The following IGDCC4 variants were observed in gnomAD, a reference collection of about 807,000 sequenced individuals.
IGDCC4 encodes the protein immunoglobulin superfamily DCC subclass member 4.
IGDCC4 carries 72 observed loss-of-function variants against 116.6 expected under a neutral mutation model. That is an observed-to-expected ratio of 0.62 (90% CI 0.51 to 0.75). The LOEUF (loss-of-function observed/expected upper bound fraction) is 0.75. IGDCC4 is among the 30% of genes least tolerant of loss of function. IGDCC4 has a pLI of 0.00. For missense variants in IGDCC4, 1,501 were observed against 1,662.4 expected, an observed-to-expected ratio of 0.90 and a Z score of 1.69; for synonymous variants, 709 against 719.9, an observed-to-expected ratio of 0.98 and a Z score of 0.24.
At chr15:65,422,166 T>C (rs556527193) in intron 1 of IGDCC4, among the ~76,000 whole-genome samples, 1 of 152,096 alleles carries the variant, frequency 6.6e-6, no homozygotes, top group Admixed American at 6.5e-5. Context: ...TACCCCTCTC[T>C]AACCGGCCCC....
At position 65,422,797 on chromosome 15, in the gene IGDCC4, C is replaced by T. The variant is rs776322089; in HGVS notation, c.66G>A (p.Ala22=). 9.8e-6 allele frequency: 13 copies of T among 1,320,792 alleles called. No homozygotes were observed. The African/African-American group carries it at 1.7e-4, about 17-fold the overall frequency. 81.8% of individuals were successfully genotyped at this position (1,320,792 alleles called of 1,614,324 possible). Residue 22 remains alanine (A), a synonymous_variant, in exon 1 of 20, where the codon GCG becomes GCA. Coordinates refer to ENST00000352385, the MANE Select transcript of IGDCC4 (RefSeq NM_020962.3). ...LLALTFCLLA[A]RGELLLPQET... The stretch of plus-strand genomic sequence containing the variant: ...TCTCCGGGCGCCCGCCCTTACCGCG[C>T]GCGGCCAACAGGCAGAAGGTCAACG...
chr15:65,414,640 T>G (rs2063126512), intron 1 of IGDCC4, among the ~76,000 whole-genome samples: 1 of 152,132 alleles, frequency 6.6e-6, no homozygotes, highest in Non-Finnish European at 1.5e-5. Flanking sequence ...AATGGGAGCT[T>G]ATTCTTTGTT....
rs2091462047 is a variant in IGDCC4 at position 65,386,576 on chromosome 15, C to T, written c.2926G>A (p.Ala976Thr). The T allele has an allele frequency of 8.1e-6, 13 of 1,609,670 alleles. No individual in the cohort carries two copies. Among genetic ancestry groups the T allele is most frequent in the Non-Finnish European group, 1.1e-5 (13 of 1,179,192 alleles). ...GLLCLLACMC[A>T]GLRRSPHRES... ...CTGTGGGGGCTGCGGCGCAGGCCAG[C>T]ACACATGCAGGCCAGGAGGCAGAGG... The change falls in exon 17 of 20, where the codon GCT (alanine) becomes ACT (threonine). Residue 976 changes from alanine to threonine, a missense_variant. Transcript: ENST00000352385.
At chr15:65,413,780 G>C (rs887582373) in intron 1 of IGDCC4, among the ~76,000 whole-genome samples, 2 of 152,212 alleles carry the variant, frequency 1.3e-5, no homozygotes, top group South Asian at 2.1e-4. Context: ...GGTCTGGGCT[G>C]ACAGAGCCAC....
intron 1 of IGDCC4, 41 bp from the exon 2 acceptor site, chr15:65,411,411 C>T (rs2063093194): frequency 6.8e-7 from 1 of 1,465,858 alleles, no homozygotes; most frequent in African/African-American, 1.4e-5. Context: ...TGTATGTCCC[C>T]CCACCTCCCA....
chr15:65,417,440 A>G (rs2140242325), intron 1 of IGDCC4, among the ~76,000 whole-genome samples: 1 of 152,110 alleles, frequency 6.6e-6, no homozygotes, highest in African/African-American at 2.4e-5. Context: ...CACACAGCAA[A>G]CCATGGCCAA....
At position 65,392,175 on chromosome 15, in the gene IGDCC4, C is replaced by T. The variant is rs148990036; in HGVS notation, c.2081G>A (p.Arg694Gln). ...GDQAWDVGPV[R>Q]LKKKVKQYEL... ...ATACTGCTTCACTTTCTTCTTGAGCCGGACAGGCCCCACATCCCAAGCCTG... is the reference window on the plus strand; with the variant it reads ...ATACTGCTTCACTTTCTTCTTGAGCTGGACAGGCCCCACATCCCAAGCCTG... The change falls in exon 11 of 20, where the codon CGG (arginine) becomes CAG (glutamine). Residue 694 changes from arginine to glutamine, a missense_variant. Around this residue, in one of 3 missense-constraint regions of IGDCC4, gnomAD observed 898 missense variants for 978.9 expected, o/e 0.92. Transcript: ENST00000352385. 16,114 of 1,613,654 alleles carry T rather than the reference C, an allele frequency of 1.0e-2. 167 individuals carry two copies. The highest frequency in any genetic ancestry group is 0.04 in the South Asian group (3,684 of 90,996).
intron 1 of IGDCC4, among the ~76,000 whole-genome samples, chr15:65,413,024 A>ATGTGTGTGTGTGTGTGTGTGTG (rs59690408): frequency 7.5e-5 from 11 of 145,966 alleles, no homozygotes; most frequent in African/African-American, 2.3e-4. Flanking sequence ...GTGTGAGAAA[A>ATGTGTGTGTGTGTGTGTGTGTG]TGTGTGTGTG....
In IGDCC4 at chr15:65,388,520, G is replaced by GC; in HGVS notation, c.2773dup (p.Ala925GlyfsTer93). On this transcript the variant is annotated frameshift_variant, in exon 16 of 20. Transcript: ENST00000352385. LOFTEE classifies it high-confidence loss of function. ...AGGCCCAGGTCCCACCTCTGTGCGC[G>GC]CCCCCATCTTGAAGAAGTACCGAGT... 1 of 1,614,144 alleles carries GC rather than the reference G, an allele frequency of 6.2e-7. No individual in the cohort carries two copies. The highest frequency in any genetic ancestry group is 8.5e-7 in the Non-Finnish European group (1 of 1,180,024).
chr15:65,417,254 C>CT (rs1415195666), intron 1 of IGDCC4, among the ~76,000 whole-genome samples: 1 of 151,902 alleles, frequency 6.6e-6, no homozygotes, highest in African/African-American at 2.4e-5. Context: ...CTGAGCCCCT[C>CT]CCCCCAACAG....
chr15:65,401,088 T>C (rs917269495), intron 4 of IGDCC4, 142 bp from the exon 5 acceptor site: 1 of 1,072,240 alleles, frequency 9.3e-7, no homozygotes, highest in Non-Finnish European at 1.4e-6. Context: ...GACGTAGCCA[T>C]AAAATTCAGC....
rs369507426 is a variant in IGDCC4, at chr15:65,392,032, T to C, written c.2123-51A>G. The C allele has an allele frequency of 1.2e-4, 192 of 1,557,132 alleles. 1 individual carries two copies. In the African/African-American group the frequency reaches 2.3e-3, roughly 19 times the overall value. On this transcript the variant is annotated intron_variant, in intron 11 of 19. Coordinates refer to ENST00000352385, the MANE Select transcript of IGDCC4 (RefSeq NM_020962.3). ...GCTAGGGGGACATCTGGGGTCACTC[T>C]CCCGTCCACAGAGAGCATCCCATCT...
chr15:65,411,779 G>A (rs2063096619), intron 1 of IGDCC4, among the ~76,000 whole-genome samples: 2 of 152,218 alleles, frequency 1.3e-5, no homozygotes. Flanking sequence ...GCCCAGAGGA[G>A]GCAAATCCAT....
rs897393345 is a variant in IGDCC4 at position 65,409,170 on chromosome 15, T to C, written c.563+1008A>G. ...ATGTATGGACCTCTCACCCTCTTCC[T>C]CCCTCACAACTGTCCTGTGGCTTTT... On this transcript the variant is annotated intron_variant, in intron 3 of 19. Transcript: ENST00000352385. Among the ~76,000 whole-genome samples, 39 of 152,030 alleles carry C rather than the reference T, an allele frequency of 2.6e-4. 1 individual carries two copies. Among genetic ancestry groups the C allele is most frequent in the Admixed American group, 2.5e-3 (38 of 15,268 alleles).
intron 5 of IGDCC4, among the ~76,000 whole-genome samples, 180 bp downstream of exon 5, chr15:65,400,625 TC>T (rs2062974798): frequency 6.6e-6 from 1 of 152,116 alleles, no homozygotes; most frequent in African/African-American, 2.4e-5. Context: ...AGGAAGTCTG[TC>T]CAGTTCCCCA....
chr15:65,396,606 C>G (rs2062929574), intron 6 of IGDCC4, among the ~76,000 whole-genome samples: 1 of 152,208 alleles, frequency 6.6e-6, no homozygotes, highest in East Asian at 1.9e-4. Context: ...CGCTCCAGGC[C>G]TTAATCACCC....
At position 65,389,301 on chromosome 15, in the gene IGDCC4, C is replaced by T. The variant is rs762616347; in HGVS notation, c.2519G>A (p.Arg840His). Residue 840 changes from arginine to histidine, a missense_variant, in exon 14 of 20, where the codon CGC (arginine) becomes CAC (histidine). By Grantham distance (29) the Arg-to-His change is conservative (BLOSUM62 0). Transcript: ENST00000352385. Reference sequence around the variant, plus strand: ...CCACTCACGGTCAGGCAGGGTGGAGCGCTCCACCACAGAGCCGAAAGGCCC... The same window carrying T: ...CCACTCACGGTCAGGCAGGGTGGAGTGCTCCACCACAGAGCCGAAAGGCCC... Reference protein sequence around the residue: ...MDGPFGSVVERSTLPDRPSTP... With the variant: ...MDGPFGSVVEHSTLPDRPSTP... The T allele has an allele frequency of 5.6e-6, 9 of 1,613,652 alleles. No homozygotes were observed. The highest frequency in any genetic ancestry group is 4.5e-5 in the East Asian group (2 of 44,874).
rs768664704 is a variant in IGDCC4, at chr15:65,385,046, C to G, written c.3250G>C (p.Gly1084Arg). 13 of 1,602,992 alleles carry G rather than the reference C, an allele frequency of 8.1e-6. No individual in the cohort carries two copies. Among genetic ancestry groups the G allele is most frequent in the Non-Finnish European group, 1.1e-5 (13 of 1,176,796 alleles). Residue 1084 changes from glycine (G) to arginine (R), a missense_variant, in exon 19 of 20, where the codon GGC becomes CGC. Gly to Arg is a moderately radical substitution (Grantham distance 125). Coordinates refer to ENST00000352385, the MANE Select transcript of IGDCC4 (RefSeq NM_020962.3). ...SWAGCELPQA[G>R]PRPALTRALL... ...GCCCGGGTCAGAGCCGGCCGGGGGC[C>G]TGCCTGGGGCAGCTCACAGCCTGCC...
At chr15:65,422,147 A>C (rs1595799513) in intron 1 of IGDCC4, among the ~76,000 whole-genome samples, 2 of 150,020 alleles carry the variant, frequency 1.3e-5, no homozygotes, top group South Asian at 2.1e-4. Flanking sequence ...GGGGAGCAAC[A>C]CCTCCCTCTA....
Sources: allele counts gnomAD v4.1 joint callset (sites outside exome capture counted in the v4.1 genomes callset), GRCh38; gene constraint gnomAD v4.1.1; regional missense constraint gnomAD v4.1.1; transcripts MANE v1.5; gene names NCBI Gene and HGNC (gene_info 2026-07-23, HGNC 2026-07-21).